The following PARD3 variants were observed in gnomAD, a reference collection of about 807,000 sequenced individuals.
The protein encoded by PARD3 is partitioning defective 3 homolog.
In PARD3, 75 loss-of-function variants were observed where a neutral mutation model predicts 155.4. That is an observed-to-expected ratio of 0.48 (90% confidence interval 0.40 to 0.58). The LOEUF is 0.58. Among genes scored for constraint, PARD3 ranks in the 20% least tolerant of loss-of-function variants. PARD3 has a pLI of 0.00. For missense variants in PARD3, 1,642 were observed against 1,721.7 expected (o/e 0.95, Z 0.82); for synonymous variants, 576 against 610.5 (o/e 0.94, Z 0.83).
chr10:34,793,742 C>T (rs1023775843), intron 1 of PARD3, among the ~76,000 whole-genome samples: 9 of 150,700 alleles, frequency 6.0e-5, no homozygotes, highest in Admixed American at 2.0e-4. Context: ...GCCAAGACTG[C>T]GCCATTGCCT....
Position 34,404,448 on chromosome 10 carries a change from C to T in PARD3, c.715-2531G>A, listed in dbSNP as rs1433553088. 3.3e-5 allele frequency among the ~76,000 whole-genome samples: 5 copies of T among 152,152 alleles called. No homozygotes were observed. The East Asian group carries it at 7.7e-4, about 23-fold the overall frequency. ...TTCAGAGGCTGAGGTGGGAGGACCACTTGAACCCAGGATTTCAAGACCAGT... is the reference window on the plus strand; with the variant it reads ...TTCAGAGGCTGAGGTGGGAGGACCATTTGAACCCAGGATTTCAAGACCAGT... On this transcript the variant is annotated intron_variant, in intron 5 of 24. Coordinates refer to ENST00000374788, the MANE Select transcript of PARD3 (RefSeq NM_001184785.2).
Position 34,651,011 on chromosome 10 carries a change from C to CCAAAAA in PARD3, c.222+45306_222+45307insTTTTTG, listed in dbSNP as rs1404556380. On this transcript the variant is annotated intron_variant, in intron 2 of 24. Transcript: ENST00000374788. ...GGGCAACAAGAACGAAACTCTGTCT[C>CCAAAAA]AAAAAAAAAAAAAAAAAAAAAAAAA... Among the ~76,000 whole-genome samples, 7 of 44,520 alleles carry CCAAAAA rather than the reference C, an allele frequency of 1.6e-4. 1 individual carries two copies. Among genetic ancestry groups the CCAAAAA allele is most frequent in the Non-Finnish European group, 2.8e-4 (7 of 25,106 alleles). 29.2% of individuals were successfully genotyped at this position (44,520 alleles called of 152,430 possible).
chr10:34,286,879 C>T (rs1430918064), intron 20 of PARD3, among the ~76,000 whole-genome samples: 3 of 152,092 alleles, frequency 2.0e-5, no homozygotes, highest in Non-Finnish European at 4.4e-5. Context: ...GAGAGAAGTG[C>T]TTAGTTTCTG....
chr10:34,497,128 C>A (rs1051448176), intron 3 of PARD3, among the ~76,000 whole-genome samples: 3 of 152,110 alleles, frequency 2.0e-5, no homozygotes, highest in Non-Finnish European at 4.4e-5. Flanking sequence ...TGAAAAATAT[C>A]CAATGTAGTA....
intron 1 of PARD3, among the ~76,000 whole-genome samples, chr10:34,801,466 G>A (rs1321147911): frequency 6.6e-6 from 1 of 152,102 alleles, no homozygotes; most frequent in East Asian, 1.9e-4. Context: ...ATGAGAGGAG[G>A]TAGTCCTCTT....
At chr10:34,458,557 G>C (rs12779105) in intron 4 of PARD3, among the ~76,000 whole-genome samples, 2,636 of 152,206 alleles carry the variant, frequency 0.017, 25 homozygotes, top group Non-Finnish European at 0.027. Flanking sequence ...TGAGACTGTA[G>C]TGAGCAACAG....
intron 2 of PARD3, among the ~76,000 whole-genome samples, chr10:34,606,989 C>T (rs992198544): frequency 1.2e-4 from 14 of 119,808 alleles, no homozygotes; most frequent in Non-Finnish European, 2.0e-4. Context: ...AAAAAAAAGA[C>T]AGCCAAACAC....
intron 20 of PARD3, among the ~76,000 whole-genome samples, chr10:34,296,199 A>G (rs1956902241): frequency 6.6e-6 from 1 of 152,238 alleles, no homozygotes; most frequent in African/African-American, 2.4e-5. Context: ...TTTTAAAATA[A>G]GTTATTGATG....
chr10:34,814,136 G>T (rs1022290051), intron 1 of PARD3, among the ~76,000 whole-genome samples: 1 of 152,140 alleles, frequency 6.6e-6, no homozygotes, highest in Non-Finnish European at 1.5e-5. Context: ...TTTTCATTCC[G>T]CGACTCTTCC....
intron 22 of PARD3, among the ~76,000 whole-genome samples, chr10:34,228,176 G>A (rs1416837753): frequency 6.6e-6 from 1 of 151,774 alleles, no homozygotes; most frequent in East Asian, 1.9e-4. Context: ...ATCAAATACT[G>A]TACGTTCTCA....
chr10:34,709,831 G>A (rs1284325703), intron 1 of PARD3, among the ~76,000 whole-genome samples: 3 of 152,136 alleles, frequency 2.0e-5, no homozygotes, highest in Non-Finnish European at 2.9e-5. Context: ...GAGGTCAACT[G>A]ACACAGCTGT....
intron 5 of PARD3, among the ~76,000 whole-genome samples, chr10:34,402,974 T>C (rs1212646822): frequency 6.6e-6 from 1 of 152,168 alleles, no homozygotes; most frequent in African/African-American, 2.4e-5. Context: ...ACGATAAAGA[T>C]ACCTGACTGA....
intron 19 of PARD3, among the ~76,000 whole-genome samples, chr10:34,322,496 T>C (rs572024335): frequency 4.6e-5 from 7 of 152,306 alleles, no homozygotes; most frequent in African/African-American, 1.7e-4. Context: ...AAAGCAAGTG[T>C]TAGAGCAACT....
At chr10:34,327,237 G>A (rs1349514444) in intron 19 of PARD3, among the ~76,000 whole-genome samples, 3 of 152,110 alleles carry the variant, frequency 2.0e-5, no homozygotes, top group Non-Finnish European at 2.9e-5. Flanking sequence ...GTAGGGCCTC[G>A]GAGATAATGG....
At chr10:34,578,022 C>T (rs554208591) in intron 2 of PARD3, among the ~76,000 whole-genome samples, 5 of 150,662 alleles carry the variant, frequency 3.3e-5, no homozygotes, top group South Asian at 2.1e-4. Flanking sequence ...TCACTACATG[C>T]GGCTATGTTT....
intron 22 of PARD3, among the ~76,000 whole-genome samples, chr10:34,222,688 CACTTT>C (rs1444940588): frequency 1.3e-5 from 2 of 152,206 alleles, no homozygotes; most frequent in East Asian, 3.9e-4. Context: ...ACTGGATCAG[CACTTT>C]ACTTAATTTC....
At chr10:34,399,983 G>A (rs1307156030) in intron 6 of PARD3, among the ~76,000 whole-genome samples, 1 of 152,152 alleles carries the variant, frequency 6.6e-6, no homozygotes, top group African/African-American at 2.4e-5. Flanking sequence ...GACAGTCCAA[G>A]GGAGATCACC....
intron 2 of PARD3, among the ~76,000 whole-genome samples, chr10:34,538,155 T>C (rs533468810): frequency 2.0e-5 from 3 of 152,248 alleles, no homozygotes; most frequent in African/African-American, 7.2e-5. Flanking sequence ...CAAAAATAAA[T>C]AAATAAATAA....
intron 19 of PARD3, among the ~76,000 whole-genome samples, chr10:34,318,698 C>T (rs1242640505): frequency 6.6e-6 from 1 of 152,184 alleles, no homozygotes; most frequent in African/African-American, 2.4e-5. Flanking sequence ...CCAAGTAACA[C>T]AGTTGTGTTT....
Sources: gnomAD v4.1 joint callset for allele counts (sites outside exome capture counted in the v4.1 genomes callset) on GRCh38, gnomAD v4.1.1 for gene constraint, MANE v1.5 for transcripts, NCBI Gene and HGNC (gene_info 2026-07-23, HGNC 2026-07-21) for gene names.